Variants in PINX1 observed in about 807,000 individuals in gnomAD.
PINX1 encodes the protein PIN2 (TERF1) interacting telomerase inhibitor 1, also known as PIN2/TERF1-interacting telomerase inhibitor 1.
PINX1 carries 34 observed loss-of-function variants against 25.4 expected under a neutral mutation model. The observed-to-expected ratio is 1.34, with a 90% CI of 1.02 to 1.78. The LOEUF (loss-of-function observed/expected upper bound fraction) is 1.78. Among genes scored for constraint, PINX1 ranks in the 40% most tolerant of loss-of-function variants. The probability of loss-of-function intolerance (pLI) is 0.00; values close to 1 mark genes in which losing one functional copy is unlikely to be tolerated. For missense variants in PINX1, 592 were observed against 404.9 expected (o/e 1.46, Z -3.97); for synonymous variants, 197 against 147.7 (o/e 1.33, Z -2.42).
At chr8:10,775,963 T>C (rs777556260) in intron 6 of PINX1, among the ~76,000 whole-genome samples, 1 of 152,060 alleles carries the variant, frequency 6.6e-6, no homozygotes. Flanking sequence ...GTCCCAACCC[T>C]CCCCTCAAAT....
intron 5 of PINX1, 112 bp downstream of exon 5, chr8:10,826,040 C>T (rs917921256): frequency 4.5e-5 from 28 of 617,438 alleles, no homozygotes; most frequent in Non-Finnish European, 5.2e-5. Flanking sequence ...GCAATGCAGT[C>T]GGAGCTGTCC....
At chr8:10,784,435 G>C (rs1801686076) in intron 6 of PINX1, among the ~76,000 whole-genome samples, 1 of 152,112 alleles carries the variant, frequency 6.6e-6, no homozygotes, top group Non-Finnish European at 1.5e-5. Flanking sequence ...GCGCTACCTA[G>C]AAATAAAAGA....
chr8:10,798,275 G>A (rs1443216694), intron 6 of PINX1, among the ~76,000 whole-genome samples: 4 of 152,224 alleles, frequency 2.6e-5, no homozygotes, highest in South Asian at 4.1e-4. Context: ...CATGTGTGCT[G>A]CTGAAATAAT....
At chr8:10,814,811 C>G (rs2129084126) in intron 6 of PINX1, among the ~76,000 whole-genome samples, 2 of 152,300 alleles carry the variant, frequency 1.3e-5, no homozygotes, top group South Asian at 4.1e-4. Context: ...TACCACGTGC[C>G]AAGCACTGGA....
At chr8:10,767,328 G>A (rs1255002451) in intron 6 of PINX1, among the ~76,000 whole-genome samples, 1 of 152,044 alleles carries the variant, frequency 6.6e-6, no homozygotes, top group Non-Finnish European at 1.5e-5. Flanking sequence ...AGTTCCAGCA[G>A]AATCGATATT....
At chr8:10,828,567 T>G (rs1434404636) in intron 4 of PINX1, among the ~76,000 whole-genome samples, 1 of 152,168 alleles carries the variant, frequency 6.6e-6, no homozygotes, top group Non-Finnish European at 1.5e-5. Flanking sequence ...CGCCGTGCCC[T>G]CACAGAGCAG....
intron 6 of PINX1, among the ~76,000 whole-genome samples, chr8:10,779,037 GTTTAGAAAAATTACGCTTCCA>G (rs1442590641): frequency 6.6e-6 from 1 of 152,212 alleles, no homozygotes; most frequent in Non-Finnish European, 1.5e-5. Flanking sequence ...CTGTTCCTAG[GTTTAGAAAAATTACGCTTCCA>G]TTTTGGAATG....
At chr8:10,783,525 C>A (rs143073500) in intron 6 of PINX1, among the ~76,000 whole-genome samples, 1 of 152,192 alleles carries the variant, frequency 6.6e-6, no homozygotes, top group Admixed American at 6.5e-5. Flanking sequence ...CAAAGGTTAT[C>A]TTCCTTGATC....
intron 6 of PINX1, among the ~76,000 whole-genome samples, chr8:10,785,165 C>T (rs552697512): frequency 1.3e-5 from 2 of 152,250 alleles, no homozygotes; most frequent in African/African-American, 4.8e-5. Context: ...AAAGTAGTTC[C>T]AATGGAATTA....
chr8:10,775,927 C>CG (rs60745996), intron 6 of PINX1, among the ~76,000 whole-genome samples: 6,697 of 152,180 alleles, frequency 0.044, 498 homozygotes, highest in African/African-American at 0.15. Context: ...TTGGCTGCAG[C>CG]GGGGTGGGGG....
rs952994022 is a variant in PINX1 at position 10,777,783 on chromosome 8, G to A, written c.472-11867C>T. ...AATGAACCACCACTTTCATTGCTTC[G>A]CACTCTGCCCGTCACTGCCTTGTGC... is the stretch of plus-strand genomic sequence containing the variant. On this transcript the variant is annotated intron_variant, in intron 6 of 6. Transcript: ENST00000314787. Among the ~76,000 whole-genome samples the A allele has an allele frequency of 3.9e-5, 6 of 152,076 alleles. No homozygotes were observed. In the South Asian group the frequency reaches 1.0e-3, roughly 26 times the overall value.
intron 6 of PINX1, among the ~76,000 whole-genome samples, chr8:10,774,912 T>C (rs924682266): frequency 1.3e-5 from 2 of 152,180 alleles, no homozygotes; most frequent in Non-Finnish European, 1.5e-5. Flanking sequence ...AAATTAGTCA[T>C]GTTAAAAGAG....
intron 6 of PINX1, among the ~76,000 whole-genome samples, chr8:10,767,746 C>T (rs1247327765): frequency 6.7e-6 from 1 of 149,796 alleles, no homozygotes; most frequent in Non-Finnish European, 1.5e-5. Flanking sequence ...GGCTCGGTGA[C>T]CAGGCACCCT....
At chr8:10,833,175 T>G (rs969169957) in intron 2 of PINX1, among the ~76,000 whole-genome samples, 191 bp from the exon 3 acceptor site, 1 of 152,298 alleles carries the variant, frequency 6.6e-6, no homozygotes, top group Admixed American at 6.5e-5. Context: ...ATCTGTAAGA[T>G]TTTCCAGGTA....
intron 6 of PINX1, among the ~76,000 whole-genome samples, chr8:10,801,290 G>A (rs1295550166): frequency 6.6e-6 from 1 of 152,230 alleles, no homozygotes; most frequent in African/African-American, 2.4e-5. Flanking sequence ...TGCTAAAGGA[G>A]GAGAGGATGA....
chr8:10,812,047 G>A (rs1023247047), intron 6 of PINX1, among the ~76,000 whole-genome samples: 6 of 152,188 alleles, frequency 3.9e-5, no homozygotes, highest in African/African-American at 7.2e-5. Flanking sequence ...TGAGTTTACA[G>A]ATAAAATTGG....
chr8:10,807,088 C>T (rs765915661), intron 6 of PINX1, among the ~76,000 whole-genome samples: 16 of 151,974 alleles, frequency 1.1e-4, no homozygotes, highest in Non-Finnish European at 2.1e-4. Flanking sequence ...CAAACCAAAA[C>T]CAAAAGAAAA....
At chr8:10,802,786 G>GGA (rs1437351210) in intron 6 of PINX1, among the ~76,000 whole-genome samples, 1 of 152,166 alleles carries the variant, frequency 6.6e-6, no homozygotes. Context: ...GAGGACTGGG[G>GGA]AATTATATTC....
intron 6 of PINX1, among the ~76,000 whole-genome samples, chr8:10,786,356 G>C (rs752698781): frequency 6.6e-6 from 1 of 152,170 alleles, no homozygotes; most frequent in African/African-American, 2.4e-5. Context: ...ACAACACCAA[G>C]TAGCGTGGCT....
Sources: allele counts gnomAD v4.1 joint callset (sites outside exome capture counted in the v4.1 genomes callset), GRCh38; gene constraint gnomAD v4.1.1; transcripts MANE v1.5; gene names NCBI Gene and HGNC (gene_info 2026-07-23, HGNC 2026-07-21).